Variants in FNIP1 observed in about 807,000 individuals in gnomAD.
FNIP1 encodes folliculin-interacting protein 1.
Under a neutral mutation model 124.5 loss-of-function variants are expected in FNIP1, and 40 were observed. The observed-to-expected ratio is 0.32, with a 90% confidence interval of 0.25 to 0.42. The LOEUF is 0.42. Ranked by LOEUF, FNIP1 falls within the 10% of genes least tolerant of loss-of-function variation. FNIP1 has a pLI of 1.00. For missense variants in FNIP1, 1,176 were observed against 1,403.7 expected (o/e 0.84, Z 2.59); for synonymous variants, 472 against 470.6 (o/e 1.00, Z -0.04).
chr5:131,737,269 C>G (rs774036394), intron 2 of FNIP1, among the ~76,000 whole-genome samples: 1 of 152,126 alleles, frequency 6.6e-6, no homozygotes. Flanking sequence ...AGAAAAGTCA[C>G]GACTTCAAGA....
In FNIP1 at chr5:131,651,831, G is replaced by C; in HGVS notation, c.3277C>G (p.Leu1093Val). Residue 1093 changes from leucine (L) to valine (V), a missense_variant, in exon 16 of 18, where the codon CTT becomes GTT. Physicochemically the swap from Leu to Val is conservative, Grantham distance 32. This residue lies in a region of FNIP1 where 67 missense variants were observed against 115.2 expected (regional missense o/e 0.58). Coordinates refer to ENST00000510461, the MANE Select transcript of FNIP1 (RefSeq NM_133372.3). Reference sequence around the variant, plus strand: ...TTTGGAGACAAGTTATGCTTATAAAGCTGAAGTGTGGAATGAAGCAGATTG... The same window carrying C: ...TTTGGAGACAAGTTATGCTTATAAACCTGAAGTGTGGAATGAAGCAGATTG... ...VSNLLHSTLQ[L>V]YKHNLSPNFC... is the part of the protein sequence containing the mutation. 1 of 1,614,124 alleles carries C rather than the reference G, an allele frequency of 6.2e-7. No homozygotes were observed. The highest frequency in any genetic ancestry group is 1.1e-5 in the South Asian group (1 of 91,084).
At chr5:131,734,704 T>G (rs1183958125) in intron 2 of FNIP1, among the ~76,000 whole-genome samples, 1 of 151,984 alleles carries the variant, frequency 6.6e-6, no homozygotes, top group African/African-American at 2.4e-5. Context: ...AACAGACACA[T>G]GAAAAAATGC....
intron 16 of FNIP1, among the ~76,000 whole-genome samples, chr5:131,650,683 T>C (rs1049857478): frequency 1.3e-5 from 2 of 152,224 alleles, no homozygotes; most frequent in South Asian, 2.1e-4. Context: ...GTGGGTCTTA[T>C]TGTCTTTTTC....
chr5:131,659,812 C>T (rs146386131), intron 15 of FNIP1, among the ~76,000 whole-genome samples: 52 of 152,316 alleles, frequency 3.4e-4, no homozygotes, highest in African/African-American at 1.1e-3. Context: ...CAGCAGCATA[C>T]GGTGCTCCTT....
At chr5:131,733,131 G>C (rs936319144) in intron 2 of FNIP1, among the ~76,000 whole-genome samples, 4 of 152,038 alleles carry the variant, frequency 2.6e-5, no homozygotes, top group African/African-American at 9.7e-5. Context: ...CTCTCTGTTT[G>C]TCTGTTATTG....
At chr5:131,671,426 T>C in intron 14 of FNIP1, 79 bp downstream of exon 14, 1 of 1,153,166 alleles carries the variant, frequency 8.7e-7, no homozygotes, top group Non-Finnish European at 1.2e-6. Context: ...TCTTTTATAC[T>C]AACCTTCAGA....
chr5:131,734,441 A>G (rs749891487), intron 2 of FNIP1, among the ~76,000 whole-genome samples: 55 of 152,212 alleles, frequency 3.6e-4, no homozygotes, highest in Non-Finnish European at 7.8e-4. Context: ...AATGGCAACA[A>G]AAGCCAAAAT....
At chr5:131,719,920 TAC>T (rs1357898502) in intron 3 of FNIP1, among the ~76,000 whole-genome samples, 2 of 152,246 alleles carry the variant, frequency 1.3e-5, no homozygotes, top group Non-Finnish European at 2.9e-5. Context: ...ATCTGTGATC[TAC>T]AGTTTCAATA....
At chr5:131,790,546 C>T (rs1462963065) in intron 1 of FNIP1, among the ~76,000 whole-genome samples, 1 of 148,600 alleles carries the variant, frequency 6.7e-6, no homozygotes, top group Non-Finnish European at 1.5e-5. Context: ...GGCATCTATT[C>T]CCCATACACA....
chr5:131,790,122 C>G (rs1379534717), intron 1 of FNIP1, among the ~76,000 whole-genome samples: 1 of 152,184 alleles, frequency 6.6e-6, no homozygotes, highest in African/African-American at 2.4e-5. Flanking sequence ...AGCATATGCT[C>G]AGGCACTGTG....
rs1167178303 is a variant in FNIP1, at chr5:131,662,689, T to C, written c.3108+7774A>G. On this transcript the variant is annotated intron_variant, in intron 15 of 17. Coordinates refer to ENST00000510461, the MANE Select transcript of FNIP1 (RefSeq NM_133372.3). ...TCCATGCACAGCTTCTCATTTCTTA[T>C]CTTGAATTTTCTTTTCTCTGAACTA... Among the ~76,000 whole-genome samples the C allele has an allele frequency of 4.6e-5, 7 of 152,058 alleles. No individual in the cohort carries two copies. The South Asian group carries it at 1.2e-3, about 27-fold the overall frequency.
intron 15 of FNIP1, among the ~76,000 whole-genome samples, chr5:131,660,853 T>C (rs2149509661): frequency 6.6e-6 from 1 of 152,332 alleles, no homozygotes; most frequent in Admixed American, 6.5e-5. Context: ...GTAGTTCTCT[T>C]GGACTGGGGG....
At chr5:131,727,697 T>C (rs1769930943) in intron 3 of FNIP1, among the ~76,000 whole-genome samples, 1 of 152,248 alleles carries the variant, frequency 6.6e-6, no homozygotes, top group South Asian at 2.1e-4. Flanking sequence ...AATATTGTTA[T>C]GTGTGGATTT....
At chr5:131,729,488 G>A (rs1770002119) in intron 3 of FNIP1, among the ~76,000 whole-genome samples, 1 of 152,180 alleles carries the variant, frequency 6.6e-6, no homozygotes. Flanking sequence ...ACACTCAGTT[G>A]GAAATGCAGA....
intron 15 of FNIP1, among the ~76,000 whole-genome samples, chr5:131,652,874 TGATTGCTTGAACCCAAGAATTCAA>T (rs1767081265): frequency 6.6e-6 from 1 of 151,834 alleles, no homozygotes; most frequent in Non-Finnish European, 1.5e-5. Flanking sequence ...TGAGGTGGGA[TGATTGCTTGAACCCAAGAATTCAA>T]GATTGCAGTG....
intron 15 of FNIP1, among the ~76,000 whole-genome samples, chr5:131,665,695 T>C (rs7713873): frequency 0.011 from 1,587 of 150,874 alleles, 19 homozygotes; most frequent in African/African-American, 0.036. Context: ...GTTCAAGCGA[T>C]TGTCCTGCCT....
intron 1 of FNIP1, among the ~76,000 whole-genome samples, chr5:131,745,932 G>A (rs922307524): frequency 2.0e-5 from 3 of 152,204 alleles, no homozygotes; most frequent in African/African-American, 7.2e-5. Flanking sequence ...GAGTAAGGTG[G>A]AGGGAAAAGT....
At chr5:131,659,034 G>GT (rs1362113735) in intron 15 of FNIP1, among the ~76,000 whole-genome samples, 1 of 151,510 alleles carries the variant, frequency 6.6e-6, no homozygotes, top group Non-Finnish European at 1.5e-5. Flanking sequence ...ACGCGACTAA[G>GT]TAACAGTCCG....
chr5:131,644,648 C>G lies in FNIP1; in HGVS notation c.*37G>C, dbSNP rs1262904066. 1 of 1,571,694 alleles carries G rather than the reference C, an allele frequency of 6.4e-7. No homozygotes were observed. The highest frequency in any genetic ancestry group is 1.7e-5 in the Admixed American group (1 of 59,736). On this transcript the variant is annotated 3_prime_UTR_variant, in exon 18 of 18. Coordinates refer to ENST00000510461, the MANE Select transcript of FNIP1 (RefSeq NM_133372.3). ...TTGTGTCTGCTTCCTTGGTTTCTAC[C>G]TATTTTCCCACCAATTTCTAACAAT...
Sources: gnomAD v4.1 joint callset for allele counts (sites outside exome capture counted in the v4.1 genomes callset) on GRCh38, gnomAD v4.1.1 for gene constraint, gnomAD v4.1.1 regional missense constraint, MANE v1.5 for transcripts, NCBI Gene and HGNC (gene_info 2026-07-23, HGNC 2026-07-21) for gene names.